The following VEGFD variants were observed in gnomAD, a reference collection of about 807,000 sequenced individuals.
VEGFD encodes the protein vascular endothelial growth factor D.
A neutral mutation model predicts 28.0 loss-of-function variants in VEGFD; 26 were observed. That is an observed-to-expected ratio of 0.93 (90% CI 0.68 to 1.29). The LOEUF is 1.29. Ranked by LOEUF, VEGFD falls within the 50% of genes most tolerant of loss-of-function variation. The pLI is 0.00. For synonymous variants in VEGFD, 93 were observed against 95.5 expected (o/e 0.97, Z 0.15); for missense variants, 294 against 273.4 (o/e 1.08, Z -0.53).
intron 4 of VEGFD, among the ~76,000 whole-genome samples, chrX:15,354,307 T>G (rs767318388): frequency 9.0e-6 from 1 of 111,419 alleles, no homozygotes; most frequent in Non-Finnish European, 1.9e-5. Context: ...GATAAAAGCA[T>G]TGGCCAGAAC....
intron 3 of VEGFD, among the ~76,000 whole-genome samples, chrX:15,355,529 T>C (rs1327433314): frequency 1.8e-5 from 2 of 112,080 alleles, no homozygotes; most frequent in Non-Finnish European, 3.8e-5. Flanking sequence ...TGTTAATCCC[T>C]GCTCCTGCTT....
chrX:15,374,866 A>G (rs1923398581), intron 1 of VEGFD, among the ~76,000 whole-genome samples: 1 of 109,600 alleles, frequency 9.1e-6, no homozygotes, highest in Non-Finnish European at 1.9e-5. Context: ...ATAAAGCAGC[A>G]TTGTTAATAA....
chrX:15,355,032 T>A, intron 4 of VEGFD, 118 bp downstream of exon 4: 1 of 643,918 alleles, frequency 1.6e-6, no homozygotes, highest in Non-Finnish European at 2.2e-6. Context: ...GAAGCTAAAA[T>A]ATGAATAATT....
intron 1 of VEGFD, among the ~76,000 whole-genome samples, chrX:15,369,340 C>T (rs946188502): frequency 5.5e-5 from 6 of 108,298 alleles, no homozygotes; most frequent in African/African-American, 1.7e-4. Flanking sequence ...GGGATATCAA[C>T]GAGCCTCAGG....
chrX:15,350,787 C>CTTTCG (rs1922678442), intron 5 of VEGFD, among the ~76,000 whole-genome samples: 1 of 95,834 alleles, frequency 1.0e-5, no homozygotes, highest in South Asian at 5.1e-4. Flanking sequence ...CTTTCTCTCT[C>CTTTCG]TTTCTTTTCT....
At chrX:15,368,240 A>G (rs777257830) in intron 1 of VEGFD, among the ~76,000 whole-genome samples, 5 of 111,944 alleles carry the variant, frequency 4.5e-5, no homozygotes, top group Non-Finnish European at 5.6e-5. Context: ...ACAGGATTCA[A>G]TTCAATCTTA....
At chrX:15,378,881 C>T (rs1234851543) in intron 1 of VEGFD, among the ~76,000 whole-genome samples, 1 of 110,914 alleles carries the variant, frequency 9.0e-6, no homozygotes, top group Admixed American at 9.6e-5. Context: ...CACAGTCACA[C>T]CTTACATGAT....
chrX:15,369,580 T>C (rs1923258776), intron 1 of VEGFD, among the ~76,000 whole-genome samples: 1 of 111,623 alleles, frequency 9.0e-6, no homozygotes, highest in Non-Finnish European at 1.9e-5. Context: ...ATTGTTGCTT[T>C]GGAAAAGAGT....
At chrX:15,363,064 T>C (rs1923056197) in intron 2 of VEGFD, 45 bp downstream of exon 2, 1 of 1,128,792 alleles carries the variant, frequency 8.9e-7, no homozygotes. Flanking sequence ...TGTTTGTCAC[T>C]ATCTAATAAA....
At chrX:15,366,091 C>T (rs1235371102) in intron 1 of VEGFD, among the ~76,000 whole-genome samples, 3 of 111,664 alleles carry the variant, frequency 2.7e-5, no homozygotes, top group African/African-American at 6.5e-5. Flanking sequence ...ACTGCAAGCT[C>T]CACCTCCCGG....
In VEGFD at chrX:15,358,105, T is replaced by C; in HGVS notation, c.390A>G (p.Thr130=). Residue 130 remains threonine (T), a synonymous_variant, in exon 3 of 7, where the codon ACA becomes ACG. Coordinates refer to ENST00000297904, the MANE Select transcript of VEGFD (RefSeq NM_004469.5). The part of the protein sequence containing the change: ...VASELGKSTN[T]FFKPPCVNVF... Reference sequence around the variant, plus strand: ...CGTTCACACAAGGGGGCTTGAAGAATGTGTTGGTACTCTTCCCCAGCTCAC... The same window carrying C: ...CGTTCACACAAGGGGGCTTGAAGAACGTGTTGGTACTCTTCCCCAGCTCAC... 17 of 1,211,517 alleles carry C rather than the reference T, an allele frequency of 1.4e-5. No homozygotes were observed. Among genetic ancestry groups the C allele is most frequent in the Non-Finnish European group, 1.8e-5 (16 of 895,288 alleles).
At chrX:15,368,073 A>AG (rs1376306970) in intron 1 of VEGFD, among the ~76,000 whole-genome samples, 3 of 108,268 alleles carry the variant, frequency 2.8e-5, no homozygotes, top group Admixed American at 2.0e-4. Flanking sequence ...AAAGAAAGAA[A>AG]GAAAGAAAGA....
intron 1 of VEGFD, among the ~76,000 whole-genome samples, chrX:15,365,879 G>C (rs1364426387): frequency 8.9e-6 from 1 of 111,913 alleles, no homozygotes; most frequent in Non-Finnish European, 1.9e-5. Flanking sequence ...ATTGTTGTGA[G>C]TCTAGAGTTT....
At chrX:15,356,239 G>A (rs1247777594) in intron 3 of VEGFD, among the ~76,000 whole-genome samples, 1 of 111,669 alleles carries the variant, frequency 9.0e-6, no homozygotes, top group Non-Finnish European at 1.9e-5. Flanking sequence ...TCTATGATGT[G>A]TGGATGAGTT....
chrX:15,368,577 C>T (rs1264145663), intron 1 of VEGFD, among the ~76,000 whole-genome samples: 4 of 112,329 alleles, frequency 3.6e-5, no homozygotes, highest in Non-Finnish European at 7.5e-5. Context: ...CGGCTTTCTG[C>T]ACTGGTTGAT....
In VEGFD at chrX:15,346,067, T is replaced by C; in HGVS notation, c.*66A>G. On this transcript the variant is annotated 3_prime_UTR_variant, in exon 7 of 7. Coordinates refer to ENST00000297904, the MANE Select transcript of VEGFD (RefSeq NM_004469.5). ...TTTTTAACACCTGGGAAAAAAACAG[T>C]GACAGCAACTTGGCAAAGCAGCATG... is the stretch of plus-strand genomic sequence containing the variant. 1 of 1,150,635 alleles carries C rather than the reference T, an allele frequency of 8.7e-7. No individual in the cohort carries two copies. 94.8% of individuals were successfully genotyped at this position (1,150,635 alleles called of 1,213,427 possible).
chrX:15,363,368 A>G, intron 1 of VEGFD, 49 bp from the exon 2 acceptor site: 1 of 1,007,089 alleles, frequency 9.9e-7, no homozygotes, highest in African/African-American at 1.9e-5. Context: ...TAAATTTTAA[A>G]TTTGTCATAA....
chrX:15,350,785 C>CTT (rs1922677130), intron 5 of VEGFD, among the ~76,000 whole-genome samples: 1 of 70,434 alleles, frequency 1.4e-5, no homozygotes, highest in Non-Finnish European at 2.7e-5. Context: ...TTCTTTCTCT[C>CTT]TCTTTCTTTT....
intron 5 of VEGFD, among the ~76,000 whole-genome samples, chrX:15,349,664 C>A (rs1269907449): frequency 9.0e-6 from 1 of 111,525 alleles, no homozygotes; most frequent in African/African-American, 3.3e-5. Context: ...TTGTGTATAT[C>A]GTTTGTTTTA....
Sources: gnomAD v4.1 joint callset for allele counts (sites outside exome capture counted in the v4.1 genomes callset) on GRCh38, gnomAD v4.1.1 for gene constraint, MANE v1.5 for transcripts, NCBI Gene and HGNC (gene_info 2026-07-23, HGNC 2026-07-21) for gene names.